BMP3: variants seen among roughly 807,000 people sequenced by gnomAD.
BMP3 encodes the protein bone morphogenetic protein 3, also known as bone morphogenetic protein 3 (osteogenic).
A neutral mutation model predicts 38.1 loss-of-function variants in BMP3; 23 were observed. That is an observed-to-expected ratio of 0.60 (90% CI 0.43 to 0.86). BMP3 has a LOEUF of 0.86. Ranked by LOEUF, BMP3 falls within the 40% of genes least tolerant of loss-of-function variation. The pLI is 0.00. For synonymous variants in BMP3, 258 were observed against 225.7 expected (o/e 1.14, Z -1.28); for missense variants, 628 against 579.6 (o/e 1.08, Z -0.86).
chr4:81,049,397 G>A (rs1238709368), intron 2 of BMP3, among the ~76,000 whole-genome samples: 1 of 152,094 alleles, frequency 6.6e-6, no homozygotes, highest in Non-Finnish European at 1.5e-5. Flanking sequence ...GAGAGTAAGA[G>A]AATCAGGAGA....
chr4:81,040,814 T>A (rs943566346), intron 1 of BMP3, among the ~76,000 whole-genome samples: 1 of 152,180 alleles, frequency 6.6e-6, no homozygotes, highest in African/African-American at 2.4e-5. Flanking sequence ...CCGAATACTA[T>A]CCACAGCCTA....
chr4:81,031,193 A>G lies in BMP3; in HGVS notation c.-92A>G, dbSNP rs1244977564. On this transcript the variant is annotated 5_prime_UTR_variant, in exon 1 of 3. Coordinates refer to ENST00000282701, the MANE Select transcript of BMP3 (RefSeq NM_001201.5). ...TGCGCCCTCGCCCCAGCTGGTTTGGAGTTCAACCCTCGGCTCCGCCGCCGG... is the reference window on the plus strand; with the variant it reads ...TGCGCCCTCGCCCCAGCTGGTTTGGGGTTCAACCCTCGGCTCCGCCGCCGG... The G allele has an allele frequency of 4.3e-5, 58 of 1,351,834 alleles. No individual in the cohort carries two copies. The East Asian group carries it at 4.3e-4, about 10-fold the overall frequency. 83.7% of individuals were successfully genotyped at this position (1,351,834 alleles called of 1,614,324 possible).
At chr4:81,048,949 AAGTC>A (rs1264128973) in intron 2 of BMP3, among the ~76,000 whole-genome samples, 2 of 152,220 alleles carry the variant, frequency 1.3e-5, no homozygotes, top group Non-Finnish European at 2.9e-5. Flanking sequence ...GCAAAAATAA[AAGTC>A]AAATCCTTTT....
intron 1 of BMP3, among the ~76,000 whole-genome samples, chr4:81,036,312 A>G (rs997025077): frequency 5.9e-5 from 9 of 152,000 alleles, no homozygotes; most frequent in Non-Finnish European, 1.0e-4. Context: ...CAAATTCCTT[A>G]TATTATAAAT....
rs542150821 is a variant in BMP3, at chr4:81,041,621, A to C, written c.317-4117A>C. 1.1e-3 allele frequency among the ~76,000 whole-genome samples: 172 copies of C among 152,330 alleles called. 1 individual carries two copies. Among genetic ancestry groups the C allele is most frequent in the Admixed American group, 1.8e-3 (27 of 15,292 alleles). ...CTTGCTCAACTTGGATGACTTAGAC[A>C]TTCACTAGAACTTCAATTCTATAGA... On this transcript the variant is annotated intron_variant, in intron 1 of 2. Coordinates refer to ENST00000282701, the MANE Select transcript of BMP3 (RefSeq NM_001201.5).
intron 1 of BMP3, among the ~76,000 whole-genome samples, chr4:81,039,905 C>G (rs1578295297): frequency 6.6e-6 from 1 of 152,140 alleles, no homozygotes; most frequent in Non-Finnish European, 1.5e-5. Flanking sequence ...AGGCAGGATC[C>G]TAGCCAAGGA....
intron 1 of BMP3, among the ~76,000 whole-genome samples, chr4:81,035,093 G>A (rs570743889): frequency 4.6e-4 from 70 of 151,898 alleles, no homozygotes; most frequent in Middle Eastern, 6.8e-3. Context: ...AGAGGAGATG[G>A]GTGTGCAGCT....
chr4:81,057,514 T>C lies in BMP3; in HGVS notation c.*3978T>C, dbSNP rs1740606054. The C allele has an allele frequency of 6.6e-6, 1 of 152,090 alleles. No individual in the cohort carries two copies. Among genetic ancestry groups the C allele is most frequent in the South Asian group, 2.1e-4 (1 of 4,828 alleles). 9.4% of individuals were successfully genotyped at this position (152,090 alleles called of 1,614,324 possible). A position where few individuals can be genotyped will look rare whatever the true frequency, so the allele number is the denominator to read the frequency against. On this transcript the variant is annotated 3_prime_UTR_variant, in exon 3 of 3. Transcript: ENST00000282701. ...AGCTATTCATTATACAGTATGGAAA[T>C]AAAAATTGCTTCATTGACCATTCAT...
rs1740550329 is a variant in BMP3 at position 81,056,094 on chromosome 4, G to A, written c.*2558G>A. Reference sequence around the variant, plus strand: ...TTACTAAGAGTAGTTAGAAAATTTAGTAAGTGCCTGTTTTACAAATTGTTA... The same window carrying A: ...TTACTAAGAGTAGTTAGAAAATTTAATAAGTGCCTGTTTTACAAATTGTTA... On this transcript the variant is annotated 3_prime_UTR_variant, in exon 3 of 3. Coordinates refer to ENST00000282701, the MANE Select transcript of BMP3 (RefSeq NM_001201.5). The A allele has an allele frequency of 1.3e-5, 2 of 152,050 alleles. No individual in the cohort carries two copies. Among genetic ancestry groups the A allele is most frequent in the African/African-American group, 4.8e-5 (2 of 41,400 alleles). The allele number at this position is 152,050 out of a possible 1,614,324, so 9.4% of individuals were successfully genotyped here.
At position 81,045,767 on chromosome 4, in the gene BMP3, T is replaced by G. The variant is rs1740213734; in HGVS notation, c.346T>G (p.Phe116Val). The G allele has an allele frequency of 6.2e-7, 1 of 1,610,568 alleles. No individual in the cohort carries two copies. The highest frequency in any genetic ancestry group is 1.7e-5 in the Admixed American group (1 of 59,510). ...ETLERKGLYI[F>V]NLTSLTKSEN... ...TCTTGAAAGAAAAGGACTGTATATC[T>G]TCAATCTGACATCGCTAACCAAGTC... The change falls in exon 2 of 3, where the codon TTC (phenylalanine) becomes GTC (valine). Residue 116 changes from phenylalanine to valine, a missense_variant. By Grantham distance (50) the Phe-to-Val change is conservative. Coordinates refer to ENST00000282701, the MANE Select transcript of BMP3 (RefSeq NM_001201.5).
intron 2 of BMP3, among the ~76,000 whole-genome samples, chr4:81,048,809 A>G (rs776489522): frequency 3.3e-5 from 5 of 152,242 alleles, no homozygotes; most frequent in Non-Finnish European, 7.3e-5. Context: ...TGTCCTGGCA[A>G]ATTGCCCTGG....
Position 81,049,572 on chromosome 4 carries a change from CA to C in BMP3, c.1227+2926del, listed in dbSNP as rs571071569. Among the ~76,000 whole-genome samples the C allele has an allele frequency of 1.3e-4, 20 of 152,282 alleles. No homozygotes were observed. The East Asian group carries it at 3.3e-3, about 25-fold the overall frequency. ...AAGTTTGGCTGTTACATAGAGTTCT[CA>C]ATCTCTCATCACCTTGTGTGTATCT... On this transcript the variant is annotated intron_variant, in intron 2 of 2. Transcript: ENST00000282701.
At chr4:81,034,370 G>T (rs1739864541) in intron 1 of BMP3, among the ~76,000 whole-genome samples, 1 of 152,144 alleles carries the variant, frequency 6.6e-6, no homozygotes, top group African/African-American at 2.4e-5. Flanking sequence ...CCATGTGAAG[G>T]AAGACAGAAG....
At chr4:81,039,755 A>G (rs1462478519) in intron 1 of BMP3, among the ~76,000 whole-genome samples, 1 of 152,200 alleles carries the variant, frequency 6.6e-6, no homozygotes, top group Non-Finnish European at 1.5e-5. Context: ...AGGTTGAACT[A>G]AATTTGCTCA....
Position 81,031,548 on chromosome 4 carries a change from T to G in BMP3, c.264T>G (p.Pro88=), listed in dbSNP as rs751309476. The change falls in exon 1 of 3, where the codon CCT becomes CCG. Residue 88 remains proline, a synonymous_variant. Coordinates refer to ENST00000282701, the MANE Select transcript of BMP3 (RefSeq NM_001201.5). ...AGGGAGGCTCGCAGCCCTGGCGCCC[T>G]CGGCTCCTGCGCGAAGGCAACACGG... ...SLEGGSQPWR[P]RLLREGNTVR... The G allele has an allele frequency of 1.2e-6, 2 of 1,610,656 alleles. No homozygotes were observed. Among genetic ancestry groups the G allele is most frequent in the Non-Finnish European group, 8.5e-7 (1 of 1,179,032 alleles).
intron 1 of BMP3, among the ~76,000 whole-genome samples, chr4:81,037,933 G>A (rs184153409): frequency 7.6e-4 from 116 of 152,028 alleles, no homozygotes; most frequent in African/African-American, 1.5e-3. Flanking sequence ...CTAGACCCGC[G>A]GAATCAAACT....
chr4:81,054,813 A>G lies in BMP3; in HGVS notation c.*1277A>G, dbSNP rs2109915465. The G allele has an allele frequency of 6.6e-6, 1 of 152,246 alleles. No individual in the cohort carries two copies. The highest frequency in any genetic ancestry group is 1.9e-4 in the East Asian group (1 of 5,180). The allele number at this position is 152,246 out of a possible 1,614,324, so 9.4% of individuals were successfully genotyped here. ...TTATTTCAATATCCTTCTTCTCACT[A>G]TATTTATTTGTGTGATGGAAATGCT... On this transcript the variant is annotated 3_prime_UTR_variant, in exon 3 of 3. Coordinates refer to ENST00000282701, the MANE Select transcript of BMP3 (RefSeq NM_001201.5).
Position 81,046,282 on chromosome 4 carries a change from G to A in BMP3, c.861G>A (p.Lys287=). 1.2e-6 allele frequency: 2 copies of A among 1,614,122 alleles called. No individual in the cohort carries two copies. Among genetic ancestry groups the A allele is most frequent in the Non-Finnish European group, 1.7e-6 (2 of 1,180,010 alleles). ...CTGCCCTTTCCATTGAGCGGAGGAA[G>A]AAGCGCTCTACTGGGGTCTTGCTGC... The part of the protein sequence containing the change: ...IRAALSIERR[K]KRSTGVLLPL... The change falls in exon 2 of 3, where the codon AAG becomes AAA. Residue 287 remains lysine (K), a synonymous_variant. Coordinates refer to ENST00000282701, the MANE Select transcript of BMP3 (RefSeq NM_001201.5).
chr4:81,045,754 A>G lies in BMP3; in HGVS notation c.333A>G (p.Lys111=). 1 of 1,591,502 alleles carries G rather than the reference A, an allele frequency of 6.3e-7. No individual in the cohort carries two copies. The highest frequency in any genetic ancestry group is 8.5e-7 in the Non-Finnish European group (1 of 1,171,366). Residue 111 remains lysine, a synonymous_variant, in exon 2 of 3, where the codon AAA becomes AAG. Coordinates refer to ENST00000282701, the MANE Select transcript of BMP3 (RefSeq NM_001201.5). ...RAAAAETLER[K]GLYIFNLTSL... is the part of the protein sequence containing the mutation. ...CCTTCCTAGAAACTCTTGAAAGAAA[A>G]GGACTGTATATCTTCAATCTGACAT...
Sources: gnomAD v4.1 joint callset for allele counts (sites outside exome capture counted in the v4.1 genomes callset) on GRCh38, gnomAD v4.1.1 for gene constraint, MANE v1.5 for transcripts, NCBI Gene and HGNC (gene_info 2026-07-23, HGNC 2026-07-21) for gene names.